The following MYO16 variants were observed in gnomAD, a reference collection of about 807,000 sequenced individuals.
MYO16 encodes unconventional myosin-XVI.
A neutral mutation model predicts 205.3 loss-of-function variants in MYO16; 94 were observed. That is an observed-to-expected ratio of 0.46 (90% CI 0.39 to 0.54). The LOEUF is 0.54. MYO16 is among the 20% of genes least tolerant of loss of function. The pLI, the probability that MYO16 is intolerant of heterozygous loss-of-function variation, is 0.00. For synonymous variants in MYO16, 988 were observed against 954.0 expected, an observed-to-expected ratio of 1.04 and a Z score of -0.66; for missense variants, 2,315 against 2,387.5, an observed-to-expected ratio of 0.97 and a Z score of 0.63.
At chr13:108,645,208 C>A (rs774655109) in intron 1 of MYO16, among the ~76,000 whole-genome samples, 5 of 152,134 alleles carry the variant, frequency 3.3e-5, no homozygotes, top group Admixed American at 6.5e-5. Context: ...GGAGTTAAAA[C>A]CAAACTTACA....
chr13:108,763,138 A>G (rs1885664520), intron 4 of MYO16, among the ~76,000 whole-genome samples: 1 of 152,192 alleles, frequency 6.6e-6, no homozygotes, highest in Admixed American at 6.6e-5. Context: ...TTGAGGGTCT[A>G]CTATGAGCCA....
intron 6 of MYO16, among the ~76,000 whole-genome samples, chr13:108,797,850 AAG>A: frequency 6.6e-6 from 1 of 152,262 alleles, no homozygotes; most frequent in East Asian, 1.9e-4. Context: ...TGCTAAATAA[AAG>A]AGCATACACA....
chr13:108,800,919 G>C (rs1886950252), intron 6 of MYO16, among the ~76,000 whole-genome samples: 1 of 152,072 alleles, frequency 6.6e-6, no homozygotes, highest in South Asian at 2.1e-4. Flanking sequence ...TATTTTCCAA[G>C]TTATACATGT....
intron 33 of MYO16, among the ~76,000 whole-genome samples, chr13:109,170,369 C>A (rs533811897): frequency 2.6e-4 from 39 of 151,988 alleles, no homozygotes; most frequent in Non-Finnish European, 3.7e-4. Context: ...TACAGACCCG[C>A]CTGAAAAGGA....
intron 23 of MYO16, among the ~76,000 whole-genome samples, chr13:109,044,274 G>T (rs1320179291): frequency 6.6e-6 from 1 of 151,952 alleles, no homozygotes; most frequent in Admixed American, 6.6e-5. Flanking sequence ...TGAAGGAGGG[G>T]AGATGCCAGT....
At chr13:108,611,528 A>C (rs117736636) in intron 1 of MYO16, among the ~76,000 whole-genome samples, 1,841 of 152,310 alleles carry the variant, frequency 0.012, 45 homozygotes, top group South Asian at 0.087. Context: ...ACATATGAGG[A>C]AAGCTTTTTA....
At chr13:108,785,608 A>G in intron 4 of MYO16, 27 bp from the exon 5 acceptor site, 1 of 1,381,680 alleles carries the variant, frequency 7.2e-7, no homozygotes, top group Non-Finnish European at 1.0e-6. Flanking sequence ...AGTATATATG[A>G]TGTTATATTT....
chr13:109,152,202 G>A (rs1414991438), intron 32 of MYO16, among the ~76,000 whole-genome samples: 1 of 152,164 alleles, frequency 6.6e-6, no homozygotes, highest in Non-Finnish European at 1.5e-5. Context: ...TAGTAACAAA[G>A]TCCCCTTAGA....
At chr13:109,144,294 C>T (rs570717175) in intron 32 of MYO16, among the ~76,000 whole-genome samples, 3 of 152,222 alleles carry the variant, frequency 2.0e-5, no homozygotes, top group South Asian at 2.1e-4. Flanking sequence ...GGATTACAGA[C>T]GTGAACCACC....
chr13:109,038,840 C>T (rs9587762), intron 23 of MYO16, among the ~76,000 whole-genome samples: 21,825 of 151,864 alleles, frequency 0.14, 1,753 homozygotes, highest in Non-Finnish European at 0.18. Context: ...TTTTTCAATG[C>T]ATAGGTTTAT....
chr13:108,706,833 G>C (rs897013075), intron 2 of MYO16, among the ~76,000 whole-genome samples: 15 of 152,200 alleles, frequency 9.9e-5, no homozygotes, highest in Admixed American at 9.8e-4. Flanking sequence ...AAGTCTGAAA[G>C]CCATGGCCAA....
At chr13:108,770,459 G>A (rs1044344391) in intron 4 of MYO16, among the ~76,000 whole-genome samples, 9 of 151,834 alleles carry the variant, frequency 5.9e-5, no homozygotes, top group East Asian at 3.8e-4. Context: ...TTTCCTCATC[G>A]GGATGTTTTA....
chr13:109,161,869 C>A (rs993374320), intron 32 of MYO16, among the ~76,000 whole-genome samples: 9 of 152,100 alleles, frequency 5.9e-5, no homozygotes, highest in Non-Finnish European at 1.2e-4. Flanking sequence ...CCAAGGAAGG[C>A]AGATCACTTG....
chr13:108,807,460 C>T (rs1241028045), intron 7 of MYO16, among the ~76,000 whole-genome samples: 1 of 152,140 alleles, frequency 6.6e-6, no homozygotes, highest in East Asian at 1.9e-4. Flanking sequence ...AAAAAAAGAT[C>T]TATTTATTCA....
chr13:108,549,370 C>T, the MYO16 span, among the ~76,000 whole-genome samples: 3 of 151,832 alleles, frequency 2.0e-5, no homozygotes, highest in Non-Finnish European at 2.9e-5. Context: ...ACAGAGGTTC[C>T]TCTGGATCTT....
At chr13:108,982,205 A>G (rs1884468813) in intron 20 of MYO16, among the ~76,000 whole-genome samples, 1 of 152,228 alleles carries the variant, frequency 6.6e-6, no homozygotes, top group African/African-American at 2.4e-5. Context: ...TGTATTCAGG[A>G]ATTTTGCTCA....
intron 4 of MYO16, among the ~76,000 whole-genome samples, chr13:108,766,469 G>A (rs1158656773): frequency 6.6e-6 from 1 of 152,180 alleles, no homozygotes; most frequent in African/African-American, 2.4e-5. Flanking sequence ...GCAGTTCAAT[G>A]GCTTTGGGTA....
intron 27 of MYO16, among the ~76,000 whole-genome samples, chr13:109,087,623 G>A (rs1888476248): frequency 6.6e-6 from 1 of 152,210 alleles, no homozygotes; most frequent in African/African-American, 2.4e-5. Context: ...TCCAGCCTGG[G>A]TGACAAAAGT....
intron 16 of MYO16, among the ~76,000 whole-genome samples, chr13:108,956,862 G>C (rs1476732256): frequency 1.3e-5 from 2 of 152,016 alleles, no homozygotes; most frequent in Non-Finnish European, 2.9e-5. Context: ...TTATTTTGCT[G>C]TTGTTGAGTC....
Sources: allele counts gnomAD v4.1 joint callset (sites outside exome capture counted in the v4.1 genomes callset), GRCh38; gene constraint gnomAD v4.1.1; transcripts MANE v1.5; gene names NCBI Gene and HGNC (gene_info 2026-07-23, HGNC 2026-07-21).